Variants in STPG2 observed in about 807,000 individuals in gnomAD.
STPG2 encodes sperm-tail PG-rich repeat-containing protein 2.
A neutral mutation model predicts 54.2 loss-of-function variants in STPG2; 56 were observed. That is an observed-to-expected ratio of 1.03 (90% CI 0.83 to 1.29). The LOEUF is 1.29. STPG2 is among the 50% of genes most tolerant of loss of function. The pLI, the probability that STPG2 is intolerant of heterozygous loss-of-function variation, is 0.00. For synonymous variants in STPG2, 200 were observed against 181.8 expected, an observed-to-expected ratio of 1.10 and a Z score of -0.81; for missense variants, 596 against 544.9, an observed-to-expected ratio of 1.09 and a Z score of -0.93.
intron 8 of STPG2, among the ~76,000 whole-genome samples, chr4:97,876,119 C>T (rs1302407296): frequency 2.6e-5 from 4 of 151,964 alleles, no homozygotes; most frequent in Admixed American, 6.6e-5. Context: ...TAATCTCAAG[C>T]GAATGCTAAA....
At position 97,926,680 on chromosome 4, in the gene STPG2, T is replaced by C. The variant is rs561230796; in HGVS notation, c.1044+17217A>G. 5.5e-4 allele frequency among the ~76,000 whole-genome samples: 83 copies of C among 152,274 alleles called. No individual in the cohort carries two copies. In the South Asian group the frequency reaches 0.017, roughly 31 times the overall value. On this transcript the variant is annotated intron_variant, in intron 8 of 10. Coordinates refer to ENST00000295268, the MANE Select transcript of STPG2 (RefSeq NM_174952.3). ...CAAAGGAGCTTCTGGTTTAAAAAGA[T>C]GAGTTTCACTTTCAAGGAAGTGTGA...
intron 8 of STPG2, among the ~76,000 whole-genome samples, chr4:97,886,181 C>T (rs1730562168): frequency 6.6e-6 from 1 of 152,016 alleles, no homozygotes. Flanking sequence ...GAAAATCTTC[C>T]TAGAGTGGCA....
chr4:97,989,684 G>A (rs1734948993), intron 5 of STPG2, among the ~76,000 whole-genome samples: 1 of 152,030 alleles, frequency 6.6e-6, no homozygotes, highest in African/African-American at 2.4e-5. Flanking sequence ...TATCCAACTT[G>A]CTAGCATCAC....
At chr4:97,697,923 GT>G (rs1723637527) in intron 10 of STPG2, among the ~76,000 whole-genome samples, 1 of 152,160 alleles carries the variant, frequency 6.6e-6, no homozygotes, top group Non-Finnish European at 1.5e-5. Flanking sequence ...AATGCTTTTA[GT>G]TAATCTATAA....
At position 97,904,327 on chromosome 4, in the gene STPG2, C is replaced by T. The variant is rs545711232; in HGVS notation, c.1044+39570G>A. Reference sequence around the variant, plus strand: ...GAGCAGCCTAACTGGGAGGCACCCCCCAGCAGGGGCAGACTGACACCTCAC... The same window carrying T: ...GAGCAGCCTAACTGGGAGGCACCCCTCAGCAGGGGCAGACTGACACCTCAC... On this transcript the variant is annotated intron_variant, in intron 8 of 10. Coordinates refer to ENST00000295268, the MANE Select transcript of STPG2 (RefSeq NM_174952.3). Among the ~76,000 whole-genome samples, 77 of 152,322 alleles carry T rather than the reference C, an allele frequency of 5.1e-4. 1 individual carries two copies. The East Asian group carries it at 0.011, about 21-fold the overall frequency.
intron 10 of STPG2, among the ~76,000 whole-genome samples, chr4:97,636,637 C>G (rs958934073): frequency 4.0e-5 from 6 of 151,464 alleles, no homozygotes; most frequent in Non-Finnish European, 7.4e-5. Flanking sequence ...CAAATAGATG[C>G]AATAAAAAAT....
chr4:97,654,619 A>G (rs183012715), intron 10 of STPG2, among the ~76,000 whole-genome samples: 11 of 152,216 alleles, frequency 7.2e-5, no homozygotes, highest in South Asian at 6.2e-4. Context: ...ATTATTAGTT[A>G]TCTTCACTAG....
At chr4:97,921,672 A>G (rs1732114448) in intron 8 of STPG2, among the ~76,000 whole-genome samples, 2 of 152,160 alleles carry the variant, frequency 1.3e-5, no homozygotes, top group Admixed American at 1.3e-4. Context: ...TGCATTATGC[A>G]CTTCCCAGAA....
intron 8 of STPG2, among the ~76,000 whole-genome samples, chr4:97,915,924 G>T (rs1170051599): frequency 6.6e-6 from 1 of 152,122 alleles, no homozygotes; most frequent in Non-Finnish European, 1.5e-5. Context: ...GTAATTTAAA[G>T]GTAGGAAAAG....
At chr4:97,906,514 T>C (rs1159344063) in intron 8 of STPG2, among the ~76,000 whole-genome samples, 3 of 152,232 alleles carry the variant, frequency 2.0e-5, no homozygotes, top group Non-Finnish European at 4.4e-5. Flanking sequence ...TAACTCATTT[T>C]ATCAGGCCAG....
intron 4 of STPG2, among the ~76,000 whole-genome samples, chr4:97,502,481 C>T (rs2148834364): frequency 6.6e-6 from 1 of 151,980 alleles, no homozygotes; most frequent in African/African-American, 2.4e-5. Flanking sequence ...ACTATAAAGG[C>T]AAATGGCTAT....
chr4:98,073,536 G>A (rs1224293350), intron 5 of STPG2, among the ~76,000 whole-genome samples: 1 of 152,120 alleles, frequency 6.6e-6, no homozygotes, highest in Admixed American at 6.6e-5. Context: ...GACCAGCCTA[G>A]CCAACATGAG....
intron 4 of STPG2, among the ~76,000 whole-genome samples, chr4:97,478,754 A>C (rs566161006): frequency 1.3e-5 from 2 of 152,180 alleles, no homozygotes; most frequent in East Asian, 3.9e-4. Context: ...TGACTAAAAA[A>C]AATGAGGAAG....
intron 10 of STPG2, among the ~76,000 whole-genome samples, chr4:97,602,530 A>G (rs1008850551): frequency 2.0e-5 from 3 of 151,854 alleles, no homozygotes; most frequent in Non-Finnish European, 3.0e-5. Flanking sequence ...TAACATTATA[A>G]CATTGAATAC....
At chr4:97,981,849 AT>A (rs1734690055) in intron 5 of STPG2, among the ~76,000 whole-genome samples, 2 of 147,838 alleles carry the variant, frequency 1.4e-5, no homozygotes, top group Non-Finnish European at 3.0e-5. Context: ...ATATATATAT[AT>A]ATATAACTAT....
intron 9 of STPG2, among the ~76,000 whole-genome samples, chr4:97,822,651 A>T (rs1728126236): frequency 6.6e-6 from 1 of 152,200 alleles, no homozygotes. Flanking sequence ...GGGAGGTCTC[A>T]AGGAGCTTTT....
rs138484642 is a variant in STPG2, at chr4:97,466,619, T to C, written c.462+246080A>G. On this transcript the variant is annotated intron_variant, in intron 4 of 4. Transcript: ENST00000522676. ...TTTTCATATAAAAGTTTTAACTTTT[T>C]AGATGAATGTCTATTACATTTTTCT... Among the ~76,000 whole-genome samples, 507 of 152,208 alleles carry C rather than the reference T, an allele frequency of 3.3e-3. 3 individuals are homozygous for C. The highest frequency in any genetic ancestry group is 0.017 in the Middle Eastern group (5 of 294).
chr4:97,692,352 T>C lies in STPG2; in HGVS notation c.1320+20347A>G, dbSNP rs1232669897. Reference sequence around the variant, plus strand: ...AATAGATAGCATAAATAAAAACCAATCACAACTTCTGGAAATGAAGGACAC... The same window carrying C: ...AATAGATAGCATAAATAAAAACCAACCACAACTTCTGGAAATGAAGGACAC... On this transcript the variant is annotated intron_variant, in intron 10 of 10. Coordinates refer to ENST00000295268, the MANE Select transcript of STPG2 (RefSeq NM_174952.3). 2.8e-5 allele frequency among the ~76,000 whole-genome samples: 3 copies of C among 105,858 alleles called. No homozygotes were observed. The East Asian group carries it at 8.9e-4, about 31-fold the overall frequency. The allele number at this position is 105,858 out of a possible 152,430, so 69.4% of individuals were successfully genotyped here.
At chr4:98,044,447 G>A (rs1737064234) in intron 5 of STPG2, among the ~76,000 whole-genome samples, 1 of 152,140 alleles carries the variant, frequency 6.6e-6, no homozygotes, top group Non-Finnish European at 1.5e-5. Flanking sequence ...TATCAAGATG[G>A]TTCTTTTCTA....
Sources: gnomAD v4.1 joint callset for allele counts (sites outside exome capture counted in the v4.1 genomes callset) on GRCh38, gnomAD v4.1.1 for gene constraint, MANE v1.5 for transcripts, NCBI Gene and HGNC (gene_info 2026-07-23, HGNC 2026-07-21) for gene names.